The following GRID2 variants were observed in gnomAD, a reference collection of about 807,000 sequenced individuals.
The protein encoded by GRID2 is glutamate ionotropic receptor delta type subunit 2, also known as glutamate receptor ionotropic, delta-2.
Under a neutral mutation model 114.8 loss-of-function variants are expected in GRID2, and 33 were observed. That is an observed-to-expected ratio of 0.29 (90% CI 0.22 to 0.38). The LOEUF (loss-of-function observed/expected upper bound fraction) is 0.38. Among genes scored for constraint, GRID2 ranks in the 10% least tolerant of loss-of-function variants. The pLI, the probability that GRID2 is intolerant of heterozygous loss-of-function variation, is 1.00. For synonymous variants in GRID2, 505 were observed against 449.9 expected (o/e 1.12, Z -1.55); for missense variants, 1,184 against 1,257.7 (o/e 0.94, Z 0.89).
At chr4:92,625,010 A>T (rs867653532) in intron 2 of GRID2, among the ~76,000 whole-genome samples, 1 of 151,712 alleles carries the variant, frequency 6.6e-6, no homozygotes, top group South Asian at 2.1e-4. Context: ...TTGGTGGTAT[A>T]CCTTTTTAGA....
At chr4:92,973,638 A>G (rs1425029484) in intron 2 of GRID2, among the ~76,000 whole-genome samples, 2 of 152,184 alleles carry the variant, frequency 1.3e-5, no homozygotes, top group Non-Finnish European at 2.9e-5. Flanking sequence ...CTAAAATGGA[A>G]GTAGCCATAC....
intron 1 of GRID2, among the ~76,000 whole-genome samples, chr4:92,445,068 T>C (rs1579376644): frequency 6.6e-6 from 1 of 152,300 alleles, no homozygotes; most frequent in East Asian, 1.9e-4. Flanking sequence ...ACTCATCATC[T>C]AGTAAAAATA....
intron 2 of GRID2, among the ~76,000 whole-genome samples, chr4:92,740,488 T>C (rs1736818219): frequency 6.6e-6 from 1 of 152,174 alleles, no homozygotes; most frequent in African/African-American, 2.4e-5. Context: ...TTATGCCACT[T>C]GAGTAACTGA....
intron 1 of GRID2, among the ~76,000 whole-genome samples, chr4:93,782,352 G>A (rs1213247912): frequency 2.6e-5 from 4 of 152,086 alleles, no homozygotes; most frequent in African/African-American, 4.8e-5. Flanking sequence ...AAAAATACCT[G>A]CTATGTTCAA....
chr4:93,457,440 A>G (rs1723311055), intron 11 of GRID2, among the ~76,000 whole-genome samples: 1 of 152,120 alleles, frequency 6.6e-6, no homozygotes, highest in Admixed American at 6.5e-5. Flanking sequence ...TTGTTATTAT[A>G]AGGAGTTTGA....
At chr4:92,873,784 G>T (rs935609128) in intron 2 of GRID2, among the ~76,000 whole-genome samples, 1 of 152,124 alleles carries the variant, frequency 6.6e-6, no homozygotes, top group East Asian at 1.9e-4. Flanking sequence ...GCATGATCTC[G>T]GCTCACCGCA....
intron 8 of GRID2, among the ~76,000 whole-genome samples, chr4:93,318,181 T>C (rs1396170892): frequency 5.3e-5 from 8 of 151,424 alleles, no homozygotes; most frequent in Non-Finnish European, 1.2e-4. Flanking sequence ...TTAAATGATG[T>C]GTGAATTTTT....
intron 2 of GRID2, among the ~76,000 whole-genome samples, chr4:92,937,706 C>A (rs1353008550): frequency 6.8e-6 from 1 of 146,574 alleles, no homozygotes; most frequent in African/African-American, 2.4e-5. Context: ...ATTTTAGGAT[C>A]AGCTTTCTTT....
intron 2 of GRID2, among the ~76,000 whole-genome samples, chr4:92,914,303 A>G (rs1220679396): frequency 6.6e-6 from 1 of 152,130 alleles, no homozygotes; most frequent in South Asian, 2.1e-4. Context: ...TTCCTTAGCT[A>G]TATGCAGACT....
chr4:92,676,580 A>T (rs1733384005), intron 2 of GRID2, among the ~76,000 whole-genome samples: 1 of 152,104 alleles, frequency 6.6e-6, no homozygotes, highest in Non-Finnish European at 1.5e-5. Flanking sequence ...GTTGATTCAT[A>T]TGGAGCATGG....
chr4:93,050,353 T>A (rs974416779), intron 2 of GRID2, among the ~76,000 whole-genome samples: 5 of 152,072 alleles, frequency 3.3e-5, no homozygotes, highest in Non-Finnish European at 5.9e-5. Context: ...GTTGCTTTTT[T>A]AAAAAAATTT....
chr4:93,428,770 CAAT>C (rs1769115044), intron 10 of GRID2, among the ~76,000 whole-genome samples: 1 of 152,028 alleles, frequency 6.6e-6, no homozygotes, highest in African/African-American at 2.4e-5. Context: ...AGTGACTTGA[CAAT>C]ATTATTTTAA....
intron 4 of GRID2, among the ~76,000 whole-genome samples, chr4:93,168,289 A>T (rs541806655): frequency 6.6e-6 from 1 of 151,920 alleles, no homozygotes; most frequent in Non-Finnish European, 1.5e-5. Flanking sequence ...AGGAAAGGGG[A>T]AGAAAGAAAG....
chr4:93,607,863 G>A (rs746827051), intron 13 of GRID2, among the ~76,000 whole-genome samples: 3 of 151,840 alleles, frequency 2.0e-5, no homozygotes, highest in Admixed American at 6.6e-5. Flanking sequence ...TTTTGCACAC[G>A]CTATTCTTTT....
At chr4:92,699,554 C>T (rs765161250) in intron 2 of GRID2, among the ~76,000 whole-genome samples, 1 of 152,094 alleles carries the variant, frequency 6.6e-6, no homozygotes, top group African/African-American at 2.4e-5. Context: ...TATCACTGAC[C>T]ACAATTTTTT....
chr4:93,564,526 T>C (rs1735227893), intron 13 of GRID2, among the ~76,000 whole-genome samples: 1 of 152,064 alleles, frequency 6.6e-6, no homozygotes, highest in African/African-American at 2.4e-5. Flanking sequence ...ACTGACTTTA[T>C]TCTCTTAACA....
chr4:93,059,425 C>G (rs1212992704), intron 2 of GRID2, among the ~76,000 whole-genome samples: 1 of 152,098 alleles, frequency 6.6e-6, no homozygotes, highest in Non-Finnish European at 1.5e-5. Context: ...AGATGTTTGA[C>G]AGCAATTCCA....
chr4:92,845,439 A>G (rs906349771), intron 2 of GRID2, among the ~76,000 whole-genome samples: 7 of 152,120 alleles, frequency 4.6e-5, no homozygotes, highest in Admixed American at 3.3e-4. Flanking sequence ...AAACTTGACA[A>G]CACCTCTTTG....
intron 10 of GRID2, among the ~76,000 whole-genome samples, chr4:93,425,142 TATC>T (rs1277413146): frequency 3.9e-5 from 6 of 152,200 alleles, no homozygotes; most frequent in Non-Finnish European, 8.8e-5. Flanking sequence ...TTCAACATCT[TATC>T]ATCTCAGAAT....
Sources: allele counts gnomAD v4.1 joint callset (sites outside exome capture counted in the v4.1 genomes callset), GRCh38; gene constraint gnomAD v4.1.1; transcripts MANE v1.5; gene names NCBI Gene and HGNC (gene_info 2026-07-23, HGNC 2026-07-21).